STXBP5: variants seen among roughly 807,000 people sequenced by gnomAD.
STXBP5 encodes the protein syntaxin-binding protein 5.
A neutral mutation model predicts 152.4 loss-of-function variants in STXBP5; 50 were observed. The ratio of observed to expected loss-of-function variants is 0.33; its 90% confidence interval spans 0.26 to 0.42. The LOEUF is 0.42. STXBP5 is among the 10% of genes least tolerant of loss of function. The pLI, the probability that STXBP5 is intolerant of heterozygous loss-of-function variation, is 1.00. For synonymous variants in STXBP5, 492 were observed against 494.7 expected (o/e 0.99, Z 0.07); for missense variants, 1,167 against 1,388.6 (o/e 0.84, Z 2.54).
intron 2 of STXBP5, among the ~76,000 whole-genome samples, chr6:147,214,573 T>C (rs377407172): frequency 5.3e-5 from 8 of 152,352 alleles, no homozygotes; most frequent in African/African-American, 1.2e-4. Flanking sequence ...CTTTGTGATA[T>C]ATGTTTTGGT....
rs558951536 is a variant in STXBP5 at position 147,296,779 on chromosome 6, G to C, written c.917+5607G>C. Among the ~76,000 whole-genome samples the C allele has an allele frequency of 2.0e-5, 3 of 152,222 alleles. No homozygotes were observed. In the East Asian group the frequency reaches 5.8e-4, roughly 29 times the overall value. On this transcript the variant is annotated intron_variant, in intron 9 of 27. Transcript: ENST00000321680. ...AAATTCAACAAAGTTAGCATTTTTGGAAAGTGCAAACAGAAATCTTGGAAC... is the reference window on the plus strand; with the variant it reads ...AAATTCAACAAAGTTAGCATTTTTGCAAAGTGCAAACAGAAATCTTGGAAC...
chr6:147,219,086 G>A (rs905627794), intron 2 of STXBP5, among the ~76,000 whole-genome samples: 1 of 152,138 alleles, frequency 6.6e-6, no homozygotes, highest in African/African-American at 2.4e-5. Flanking sequence ...TAGTTTTTAT[G>A]TAGATGTTCT....
intron 7 of STXBP5, among the ~76,000 whole-genome samples, chr6:147,276,735 A>G (rs987798214): frequency 2.2e-4 from 34 of 152,258 alleles, no homozygotes; most frequent in African/African-American, 7.9e-4. Context: ...TCATATGTAT[A>G]TGTCAGTTTA....
intron 4 of STXBP5, among the ~76,000 whole-genome samples, chr6:147,248,172 C>T (rs1009220395): frequency 2.0e-5 from 3 of 150,696 alleles, no homozygotes; most frequent in African/African-American, 7.3e-5. Context: ...CCCAGCTACT[C>T]GGGAGCCTGA....
At chr6:147,295,665 CG>C (rs944088906) in intron 9 of STXBP5, among the ~76,000 whole-genome samples, 4 of 152,168 alleles carry the variant, frequency 2.6e-5, no homozygotes, top group Non-Finnish European at 4.4e-5. Flanking sequence ...GTGGGGAAAA[CG>C]TAAGCCATAG....
At chr6:147,260,862 C>A (rs1302022368) in intron 5 of STXBP5, 113 bp downstream of exon 5, 3 of 1,299,104 alleles carry the variant, frequency 2.3e-6, no homozygotes, top group Non-Finnish European at 3.1e-6. Context: ...GACAGATGTT[C>A]TTAATATTAA....
At chr6:147,323,430 C>T (rs903789322) in intron 16 of STXBP5, among the ~76,000 whole-genome samples, 22 of 151,436 alleles carry the variant, frequency 1.5e-4, no homozygotes, top group Non-Finnish European at 4.4e-5. Context: ...CTCACTCTGT[C>T]GCCCAGGCTG....
intron 22 of STXBP5, among the ~76,000 whole-genome samples, chr6:147,355,322 C>G (rs73586357): frequency 7.9e-5 from 12 of 152,044 alleles, no homozygotes; most frequent in Admixed American, 7.9e-4. Context: ...GAATAAGGCT[C>G]TCTGTGGGGA....
At chr6:147,260,209 A>G (rs1779576908) in intron 4 of STXBP5, among the ~76,000 whole-genome samples, 1 of 152,206 alleles carries the variant, frequency 6.6e-6, no homozygotes. Flanking sequence ...TGGAAGGAGT[A>G]GTAACCACAG....
At chr6:147,297,746 G>A (rs535069905) in intron 9 of STXBP5, among the ~76,000 whole-genome samples, 1 of 152,188 alleles carries the variant, frequency 6.6e-6, no homozygotes, top group East Asian at 1.9e-4. Context: ...TAAAAGTCTA[G>A]AATATTTTTA....
At chr6:147,362,833 T>G (rs950212196) in intron 23 of STXBP5, among the ~76,000 whole-genome samples, 7 of 152,210 alleles carry the variant, frequency 4.6e-5, no homozygotes, top group Non-Finnish European at 1.5e-5. Flanking sequence ...ATTGAACTTT[T>G]TGGAGTGCTA....
intron 8 of STXBP5, among the ~76,000 whole-genome samples, chr6:147,283,609 T>C (rs572224957): frequency 1.1e-4 from 16 of 152,314 alleles, no homozygotes; most frequent in Admixed American, 1.0e-3. Context: ...ATCTGGCTTC[T>C]GAAGAGCTCC....
intron 8 of STXBP5, among the ~76,000 whole-genome samples, chr6:147,286,730 A>G: frequency 6.6e-6 from 1 of 152,162 alleles, no homozygotes; most frequent in East Asian, 1.9e-4. Context: ...GGGAGGGACC[A>G]AAAAGACGGA....
intron 21 of STXBP5, among the ~76,000 whole-genome samples, chr6:147,347,756 T>C (rs1157034309): frequency 6.6e-6 from 1 of 152,206 alleles, no homozygotes; most frequent in African/African-American, 2.4e-5. Context: ...ATACATCTTG[T>C]AATAAAAAAA....
chr6:147,336,824 G>C (rs979443219), intron 19 of STXBP5, among the ~76,000 whole-genome samples: 1 of 151,908 alleles, frequency 6.6e-6, no homozygotes, highest in Non-Finnish European at 1.5e-5. Context: ...ATCAAAACCA[G>C]TAAGTTAATT....
chr6:147,271,838 G>A (rs1007243003), intron 7 of STXBP5, among the ~76,000 whole-genome samples: 2 of 152,036 alleles, frequency 1.3e-5, no homozygotes, highest in African/African-American at 4.8e-5. Context: ...TTAAAAGCTG[G>A]ATTTGTGTGA....
rs66619063 is a variant in STXBP5 at position 147,205,371 on chromosome 6, C to CATATATATATAT, written c.151-584_151-573dup. Among the ~76,000 whole-genome samples the CATATATATATAT allele has an allele frequency of 5.5e-3, 783 of 141,862 alleles. 3 individuals are homozygous for CATATATATATAT. Among genetic ancestry groups the CATATATATATAT allele is most frequent in the Non-Finnish European group, 7.4e-3 (480 of 64,700 alleles). 93.1% of individuals were successfully genotyped at this position (141,862 alleles called of 152,430 possible). ...TATGTCAGAGTTAATTAAAAGTGTG[C>CATATATATATAT]ATATATATATATATATATATATATA... On this transcript the variant is annotated intron_variant, in intron 1 of 27. Transcript: ENST00000321680.
At chr6:147,261,869 TA>T (rs929286740) in intron 5 of STXBP5, among the ~76,000 whole-genome samples, 2 of 151,986 alleles carry the variant, frequency 1.3e-5, no homozygotes, top group Non-Finnish European at 2.9e-5. Flanking sequence ...TAGGTGGCAT[TA>T]TTTTTTTTTT....
chr6:147,342,609 C>G (rs1277413201), intron 21 of STXBP5, among the ~76,000 whole-genome samples: 2 of 151,978 alleles, frequency 1.3e-5, no homozygotes, highest in African/African-American at 4.8e-5. Context: ...TTTTCAAAAT[C>G]CATAGTTTTT....
Sources: allele counts gnomAD v4.1 joint callset (sites outside exome capture counted in the v4.1 genomes callset), GRCh38; gene constraint gnomAD v4.1.1; transcripts MANE v1.5; gene names NCBI Gene and HGNC (gene_info 2026-07-23, HGNC 2026-07-21).